The following AGMO variants were observed in gnomAD, a reference collection of about 807,000 sequenced individuals.
AGMO encodes the protein alkylglycerol monooxygenase.
A neutral mutation model predicts 60.2 loss-of-function variants in AGMO; 75 were observed. The ratio of observed to expected loss-of-function variants is 1.25; its 90% CI spans 1.03 to 1.51. The LOEUF (loss-of-function observed/expected upper bound fraction) is 1.51. Among genes scored for constraint, AGMO ranks in the 40% most tolerant of loss-of-function variants. AGMO has a pLI of 0.00. For synonymous variants in AGMO, 261 were observed against 177.1 expected, an observed-to-expected ratio of 1.47 and a Z score of -3.76; for missense variants, 763 against 525.5, an observed-to-expected ratio of 1.45 and a Z score of -4.42.
At chr7:15,135,979 C>CTTTTTTTTTTTTTTTTTTTTTTTTT in the AGMO span, among the ~76,000 whole-genome samples, 234 of 106,798 alleles carry the variant, frequency 2.2e-3, no homozygotes, top group Non-Finnish European at 2.9e-3. Context: ...TTTTTCTTTT[C>CTTTTTTTTTTTTTTTTTTTTTTTTT]TTTTTTTTTT....
chr7:15,236,689 T>C (rs1412444117), intron 12 of AGMO, among the ~76,000 whole-genome samples: 1 of 152,134 alleles, frequency 6.6e-6, no homozygotes, highest in Non-Finnish European at 1.5e-5. Context: ...GGATATATGA[T>C]TTAAAGATGC....
At chr7:15,206,607 G>C (rs903509932) in intron 12 of AGMO, among the ~76,000 whole-genome samples, 1 of 151,990 alleles carries the variant, frequency 6.6e-6, no homozygotes, top group East Asian at 1.9e-4. Context: ...AATGTAAAAA[G>C]AAAGTTCATG....
At position 15,270,596 on chromosome 7, in the gene AGMO, A is replaced by ATTTTTTTTTTTTTT. The variant is rs527463907; in HGVS notation, c.1264-69251_1264-69238dup. ...ATTAAACAAATTTAATCTGTTGATA[A>ATTTTTTTTTTTTTT]TTTTTTTTTTTTTTTTTTTTTTTTT... is the stretch of plus-strand genomic sequence containing the variant. On this transcript the variant is annotated intron_variant, in intron 12 of 12. Coordinates refer to ENST00000342526, the MANE Select transcript of AGMO (RefSeq NM_001004320.2). Among the ~76,000 whole-genome samples the ATTTTTTTTTTTTTT allele has an allele frequency of 1.2e-3, 59 of 48,050 alleles. 2 individuals carry two copies. Among genetic ancestry groups the ATTTTTTTTTTTTTT allele is most frequent in the South Asian group, 2.4e-3 (2 of 842 alleles). 31.5% of individuals were successfully genotyped at this position (48,050 alleles called of 152,430 possible).
At chr7:15,161,508 TATATGTATTAATGCATATATG>T in the AGMO span, among the ~76,000 whole-genome samples, 1 of 151,704 alleles carries the variant, frequency 6.6e-6, no homozygotes, top group Non-Finnish European at 1.5e-5. Flanking sequence ...ACATATGTCA[TATATGTATTAATGCATATATG>T]GATCATATAT....
intron 12 of AGMO, among the ~76,000 whole-genome samples, chr7:15,239,721 C>T (rs1250943531): frequency 6.6e-6 from 1 of 152,052 alleles, no homozygotes; most frequent in Non-Finnish European, 1.5e-5. Context: ...ATTTCATTTG[C>T]TATCAATCAA....
rs756729494 is a variant in AGMO at position 15,387,387 on chromosome 7, TTCTGTGAACTCTATTTACC to T, written c.957_957+18del. ...ATGAGACAATCTTCACCATCTCCAA[TTCTGTGAACTCTATTTACC>T]TCTGGAATTTCTTCACTGAGACCAA... is the stretch of plus-strand genomic sequence containing the variant. On this transcript the variant is annotated splice_donor_variant and splice_donor_5th_base_variant and coding_sequence_variant and intron_variant, in exon 9 of 13. Coordinates refer to ENST00000342526, the MANE Select transcript of AGMO (RefSeq NM_001004320.2). LOFTEE classifies it high-confidence loss of function. The T allele has an allele frequency of 3.2e-5, 51 of 1,609,604 alleles. No homozygotes were observed. In the East Asian group the frequency reaches 1.1e-3, roughly 36 times the overall value.
chr7:15,356,859 G>C (rs1029711851), intron 12 of AGMO, among the ~76,000 whole-genome samples: 8 of 150,928 alleles, frequency 5.3e-5, no homozygotes, highest in Admixed American at 2.7e-4. Context: ...TGTAATCCCA[G>C]CACTTTGGGA....
At chr7:15,319,090 C>G (rs1298092028) in intron 12 of AGMO, among the ~76,000 whole-genome samples, 1 of 152,018 alleles carries the variant, frequency 6.6e-6, no homozygotes, top group Non-Finnish European at 1.5e-5. Context: ...TCATTTTGTT[C>G]TACCTTTGTC....
chr7:15,553,951 A>G (rs973115598), intron 2 of AGMO, among the ~76,000 whole-genome samples: 1 of 152,086 alleles, frequency 6.6e-6, no homozygotes, highest in South Asian at 2.1e-4. Flanking sequence ...ACAAAGAAAG[A>G]GGGGAGAAGC....
At chr7:15,253,371 A>G (rs1048162309) in intron 12 of AGMO, among the ~76,000 whole-genome samples, 4 of 152,092 alleles carry the variant, frequency 2.6e-5, no homozygotes, top group African/African-American at 7.3e-5. Context: ...ACAGGGAGTA[A>G]GACTATCAGC....
At chr7:15,182,519 G>A in the AGMO span, among the ~76,000 whole-genome samples, 1 of 152,102 alleles carries the variant, frequency 6.6e-6, no homozygotes, top group Non-Finnish European at 1.5e-5. Flanking sequence ...GGGCTCAAGC[G>A]ATCCTCCCAC....
chr7:15,118,876 ATTTTTTTTTTTTTTTTTTTTTTTTT>A, the AGMO span, among the ~76,000 whole-genome samples: 17 of 81,732 alleles, frequency 2.1e-4, 1 homozygote, highest in Admixed American at 1.8e-3. Context: ...AGACGTCAGT[ATTTTTTTTTTTTTTTTTTTTTTTTT>A]TTTTTTTTTT....
chr7:15,384,229 G>C (rs186271959), intron 10 of AGMO, among the ~76,000 whole-genome samples: 1 of 152,038 alleles, frequency 6.6e-6, no homozygotes, highest in African/African-American at 2.4e-5. Flanking sequence ...GAGCCACCAC[G>C]CCCAGCCTCA....
At chr7:15,401,422 C>A (rs1442124236) in intron 5 of AGMO, among the ~76,000 whole-genome samples, 2 of 152,048 alleles carry the variant, frequency 1.3e-5, no homozygotes, top group Non-Finnish European at 1.5e-5. Context: ...TTATCTTCAT[C>A]AAAAATATTC....
chr7:15,555,525 C>G (rs1785109815), intron 2 of AGMO, among the ~76,000 whole-genome samples: 1 of 151,786 alleles, frequency 6.6e-6, no homozygotes, highest in African/African-American at 2.4e-5. Flanking sequence ...CCTTTACCGT[C>G]TGCAAACAAA....
chr7:15,553,148 A>C (rs1785019563), intron 2 of AGMO, among the ~76,000 whole-genome samples: 1 of 150,126 alleles, frequency 6.7e-6, no homozygotes, highest in Admixed American at 6.6e-5. Context: ...AGGAAGGGGA[A>C]TATCACACTC....
At chr7:15,546,956 G>C (rs1048132332) in intron 2 of AGMO, among the ~76,000 whole-genome samples, 1 of 152,086 alleles carries the variant, frequency 6.6e-6, no homozygotes, top group African/African-American at 2.4e-5. Context: ...GCTCACTATT[G>C]TTCATTAGTA....
intron 12 of AGMO, among the ~76,000 whole-genome samples, chr7:15,292,601 G>T (rs767580357): frequency 6.6e-6 from 1 of 151,884 alleles, no homozygotes; most frequent in Non-Finnish European, 1.5e-5. Flanking sequence ...TTCTGCACTT[G>T]TTTATAAAAT....
chr7:15,373,259 CAG>C (rs1783301040), intron 10 of AGMO, among the ~76,000 whole-genome samples: 1 of 150,882 alleles, frequency 6.6e-6, no homozygotes. Context: ...GCCTGGACAA[CAG>C]AGTGATATTC....
Sources: allele counts gnomAD v4.1 joint callset (sites outside exome capture counted in the v4.1 genomes callset), GRCh38; gene constraint gnomAD v4.1.1; transcripts MANE v1.5; gene names NCBI Gene and HGNC (gene_info 2026-07-23, HGNC 2026-07-21).